Variants in ANXA2 observed in about 807,000 individuals in gnomAD.
The protein encoded by ANXA2 is annexin A2.
In ANXA2, 28 loss-of-function variants were observed where a neutral mutation model predicts 47.3. That is an observed-to-expected ratio of 0.59 (90% CI 0.44 to 0.81). The LOEUF (loss-of-function observed/expected upper bound fraction) is 0.81, where lower values mean the gene tolerates loss of function less well. ANXA2 is among the 40% of genes least tolerant of loss of function. The pLI is 0.00. For missense variants in ANXA2, 384 were observed against 414.3 expected, an observed-to-expected ratio of 0.93 and a Z score of 0.64; for synonymous variants, 172 against 155.5, an observed-to-expected ratio of 1.11 and a Z score of -0.79.
intron 1 of ANXA2, among the ~76,000 whole-genome samples, chr15:60,395,255 A>G (rs1258875697): frequency 6.6e-6 from 1 of 152,238 alleles, no homozygotes; most frequent in Non-Finnish European, 1.5e-5. Context: ...TTTAAGGTCT[A>G]AAGAGCAGGG....
At chr15:60,354,500 C>A (rs1467389016) in intron 7 of ANXA2, among the ~76,000 whole-genome samples, 1 of 151,306 alleles carries the variant, frequency 6.6e-6, no homozygotes, top group African/African-American at 2.4e-5. Context: ...CGTGGTGGCA[C>A]ATGCCTGTAG....
intron 3 of ANXA2, among the ~76,000 whole-genome samples, chr15:60,371,494 A>G (rs72746609): frequency 0.16 from 24,624 of 152,228 alleles, 2,599 homozygotes; most frequent in Middle Eastern, 0.29. Context: ...CTGGCATTCC[A>G]TGGAAAATGT....
chr15:60,394,535 C>A (rs965716458), intron 1 of ANXA2: 7 of 152,060 alleles, frequency 4.6e-5, no homozygotes, highest in African/African-American at 1.7e-4. Context: ...CCTGTCTCTA[C>A]TAAAAATACA....
At position 60,347,682 on chromosome 15, in the gene ANXA2, G is replaced by C. The variant is rs1399136556; in HGVS notation, c.968C>G (p.Thr323Ser). 5 of 1,614,030 alleles carry C rather than the reference G, an allele frequency of 3.1e-6. No homozygotes were observed. Among genetic ancestry groups the C allele is most frequent in the Non-Finnish European group, 4.2e-6 (5 of 1,180,018 alleles). The change falls in exon 13 of 13, where the codon ACT (threonine) becomes AGT (serine). Residue 323 changes from threonine to serine, a missense_variant. Thr to Ser is a moderately conservative substitution (Grantham distance 58). Transcript: ENST00000451270. Reference protein sequence around the residue: ...KSLYYYIQQDTKGDYQKALLY... With the variant: ...KSLYYYIQQDSKGDYQKALLY... ...CAGCGCTTTCTGGTAGTCGCCCTTAGTGTCTTGCTACAATGGCCCAGGAAA... is the reference window on the plus strand; with the variant it reads ...CAGCGCTTTCTGGTAGTCGCCCTTACTGTCTTGCTACAATGGCCCAGGAAA...
At chr15:60,375,954 G>A (rs2062770506) in intron 3 of ANXA2, among the ~76,000 whole-genome samples, 1 of 152,170 alleles carries the variant, frequency 6.6e-6, no homozygotes, top group Admixed American at 6.5e-5. Flanking sequence ...TTTGAGGTGG[G>A]GAGGAAGGAG....
rs777444250 is a variant in ANXA2, at chr15:60,352,405, C to A, written c.660G>T (p.Arg220=). ...CACCTTTCTGGAGGTGGGGCACGCT[C>A]CGCTCGGTCATGATGCTGATCCACT... ...VPKWISIMTE[R]SVPHLQKVFD... is the part of the protein sequence containing the mutation. The change falls in exon 9 of 13, where the codon CGG becomes CGT. Residue 220 remains arginine, a synonymous_variant. Coordinates refer to ENST00000451270, the MANE Select transcript of ANXA2 (RefSeq NM_004039.3). The surrounding 1 kb of genome is among the most constrained non-coding windows in gnomAD (Gnocchi z 4.2). 45 of 1,613,672 alleles carry A rather than the reference C, an allele frequency of 2.8e-5. 1 individual carries two copies. In the South Asian group the frequency reaches 4.6e-4, roughly 17 times the overall value.
chr15:60,387,819 T>C (rs2062953718), intron 1 of ANXA2, among the ~76,000 whole-genome samples: 1 of 152,158 alleles, frequency 6.6e-6, no homozygotes, highest in Admixed American at 6.5e-5. Flanking sequence ...AAGCTATGCG[T>C]ATGTGGGAAC....
intron 3 of ANXA2, among the ~76,000 whole-genome samples, chr15:60,373,243 G>A (rs561789336): frequency 1.3e-5 from 2 of 152,330 alleles, no homozygotes; most frequent in East Asian, 3.9e-4. Flanking sequence ...TGTAGATAAT[G>A]ATTTGCCACC....
Position 60,347,427 on chromosome 15 carries a change from G to C in ANXA2, c.*203C>G. On this transcript the variant is annotated 3_prime_UTR_variant, in exon 13 of 13. Coordinates refer to ENST00000451270, the MANE Select transcript of ANXA2 (RefSeq NM_004039.3). ...CATAGACTTCACTTCCAACTCCTTG[G>C]AATGTTCATTTCTTTGGCTTACAGG... The C allele has an allele frequency of 1.7e-6, 1 of 604,082 alleles. No individual in the cohort carries two copies. Among genetic ancestry groups the C allele is most frequent in the South Asian group, 2.0e-5 (1 of 50,230 alleles). The allele number at this position is 604,082 out of a possible 1,614,324, so 37.4% of individuals were successfully genotyped here.
chr15:60,389,448 G>C (rs1435365152), intron 1 of ANXA2, among the ~76,000 whole-genome samples: 1 of 152,088 alleles, frequency 6.6e-6, no homozygotes, highest in Non-Finnish European at 1.5e-5. Context: ...GCCTACCCGT[G>C]TCCCACATGG....
At chr15:60,375,493 A>G (rs1031294443) in intron 3 of ANXA2, among the ~76,000 whole-genome samples, 1 of 152,200 alleles carries the variant, frequency 6.6e-6, no homozygotes, top group Non-Finnish European at 1.5e-5. Flanking sequence ...ATGGTAAACC[A>G]TTCACAGCTG....
chr15:60,383,590 T>C (rs1302923026), intron 2 of ANXA2: 1 of 152,314 alleles, frequency 6.6e-6, no homozygotes, highest in Non-Finnish European at 1.5e-5. Context: ...TCCCTCTCCC[T>C]GCTACCCAGT....
intron 3 of ANXA2, among the ~76,000 whole-genome samples, chr15:60,373,416 G>C (rs1417782637): frequency 6.6e-6 from 1 of 152,174 alleles, no homozygotes; most frequent in Non-Finnish European, 1.5e-5. Context: ...TCTAGTGAGA[G>C]AGATTTTTAG....
At chr15:60,355,361 T>A in intron 7 of ANXA2, 1 of 172,270 alleles carries the variant, frequency 5.8e-6, no homozygotes, top group South Asian at 1.4e-4. Context: ...TCATTTGTCA[T>A]CAGGGTTCCC....
At chr15:60,348,954 C>G in intron 12 of ANXA2, 121 bp downstream of exon 12, 1 of 1,161,506 alleles carries the variant, frequency 8.6e-7, no homozygotes, top group South Asian at 1.4e-5. Flanking sequence ...TGACTAGCAT[C>G]TCTTCCCCAG....
intron 1 of ANXA2, among the ~76,000 whole-genome samples, chr15:60,388,740 T>TG (rs2062967327): frequency 6.7e-6 from 1 of 150,260 alleles, no homozygotes; most frequent in Non-Finnish European, 1.5e-5. Context: ...TAGACCTTTT[T>TG]TTTTTTTTTT....
chr15:60,358,912 T>A (rs899110563), intron 5 of ANXA2, among the ~76,000 whole-genome samples: 4 of 152,190 alleles, frequency 2.6e-5, no homozygotes, highest in African/African-American at 9.7e-5. Flanking sequence ...AGTGGTAATA[T>A]CTGAGAATTC....
chr15:60,356,510 T>C (rs1595667513), intron 6 of ANXA2, among the ~76,000 whole-genome samples: 3 of 152,158 alleles, frequency 2.0e-5, no homozygotes, highest in African/African-American at 7.2e-5. Context: ...GTAATGTTCC[T>C]GATACAAAAA....
At chr15:60,378,672 C>G (rs922332395) in intron 3 of ANXA2, among the ~76,000 whole-genome samples, 1 of 152,168 alleles carries the variant, frequency 6.6e-6, no homozygotes, top group African/African-American at 2.4e-5. Context: ...CACTAAGCAT[C>G]AAAAATAAGT....
Sources: gnomAD v4.1 joint callset for allele counts (sites outside exome capture counted in the v4.1 genomes callset) on GRCh38, gnomAD v4.1.1 for gene constraint, Gnocchi (gnomAD v3.1) non-coding constraint, MANE v1.5 for transcripts, NCBI Gene and HGNC (gene_info 2026-07-23, HGNC 2026-07-21) for gene names.